The following CIB1 variants were observed in gnomAD, a reference collection of about 807,000 sequenced individuals.
CIB1 encodes the protein calcium and integrin binding 1.
CIB1 carries 19 observed loss-of-function variants against 25.0 expected under a neutral mutation model. The ratio of observed to expected loss-of-function variants is 0.76; its 90% CI spans 0.53 to 1.12. CIB1 has a LOEUF of 1.12. Ranked by LOEUF, CIB1 falls within the 50% of genes most tolerant of loss-of-function variation. The probability of loss-of-function intolerance (pLI) is 0.00; values close to 1 mark genes in which losing one functional copy is unlikely to be tolerated. For missense variants in CIB1, 236 were observed against 242.6 expected (o/e 0.97, Z 0.18); for synonymous variants, 104 against 98.5 (o/e 1.06, Z -0.33).
chr15:90,241,589 A>C, the CIB1 span: 2 of 1,613,590 alleles, frequency 1.2e-6, no homozygotes, highest in Admixed American at 3.3e-5. Flanking sequence ...TGGCCCACAG[A>C]CTGCCCGTGG....
the CIB1 span, among the ~76,000 whole-genome samples, chr15:90,261,668 T>C: frequency 1.3e-5 from 2 of 152,052 alleles, no homozygotes; most frequent in Non-Finnish European, 2.9e-5. Flanking sequence ...TAATCCCAGC[T>C]ACTTGGGAGG....
chr15:90,259,143 G>C, the CIB1 span: 2 of 1,119,538 alleles, frequency 1.8e-6, no homozygotes, highest in Non-Finnish European at 2.4e-6. Flanking sequence ...CAGGAGGATT[G>C]CTTGAGCCCT....
At chr15:90,264,098 T>C in the CIB1 span, 83 of 1,264,382 alleles carry the variant, frequency 6.6e-5, no homozygotes, top group Non-Finnish European at 8.9e-5. Flanking sequence ...TTGACATATG[T>C]AAATCCCACT....
At chr15:90,247,429 A>C in the CIB1 span, among the ~76,000 whole-genome samples, 1 of 150,608 alleles carries the variant, frequency 6.6e-6, no homozygotes, top group South Asian at 2.1e-4. Context: ...TGCCACTCCT[A>C]GCCAGGAGGA....
the CIB1 span, chr15:90,241,794 C>G: frequency 1.9e-6 from 3 of 1,614,100 alleles, no homozygotes; most frequent in Non-Finnish European, 2.5e-6. Context: ...CCGGGGAGCT[C>G]CGCCGGGAAA....
chr15:90,256,096 C>A, the CIB1 span: 85 of 1,604,258 alleles, frequency 5.3e-5, no homozygotes, highest in Admixed American at 1.1e-3. Context: ...CCCGGGAAAG[C>A]CTTGATGCAC....
chr15:90,235,057 C>T (rs1962603482), upstream of CIB1, among the ~76,000 whole-genome samples: 2 of 152,078 alleles, frequency 1.3e-5, no homozygotes, highest in Admixed American at 6.6e-5. Flanking sequence ...AAACCCAAAT[C>T]CTGGCCCTCT....
At chr15:90,240,105 C>T in the CIB1 span, among the ~76,000 whole-genome samples, 1 of 151,500 alleles carries the variant, frequency 6.6e-6, no homozygotes, top group Non-Finnish European at 1.5e-5. Context: ...TTCCTATAAT[C>T]CCAGCTACTT....
rs145112624 is a variant in CIB1 at position 90,232,367 on chromosome 15, G to A, written c.87-40C>T. On this transcript the variant is annotated intron_variant, in intron 2 of 6. Coordinates refer to ENST00000328649, the MANE Select transcript of CIB1 (RefSeq NM_006384.4). ...GGAACTGTCGGTGTTCTCAGCGATCGGTCTCCCTGTGTGTTCATTCCCACT... is the reference window on the plus strand; with the variant it reads ...GGAACTGTCGGTGTTCTCAGCGATCAGTCTCCCTGTGTGTTCATTCCCACT... 113 of 1,567,960 alleles carry A rather than the reference G, an allele frequency of 7.2e-5. No homozygotes were observed. The East Asian group carries it at 2.1e-3, about 29-fold the overall frequency.
chr15:90,257,041 G>A, the CIB1 span: 3 of 1,186,808 alleles, frequency 2.5e-6, no homozygotes, highest in African/African-American at 4.6e-5. Context: ...TGGTTATTGT[G>A]GAAATTCAAT....
At chr15:90,250,513 C>G in the CIB1 span, 1 of 1,324,364 alleles carries the variant, frequency 7.6e-7, no homozygotes, top group East Asian at 2.3e-5. Context: ...GCAACTTTCC[C>G]TTATAACAGC....
At position 90,230,479 on chromosome 15, in the gene CIB1, T is replaced by C. The variant is rs370628711; in HGVS notation, c.*5A>G. 94 of 1,551,682 alleles carry C rather than the reference T, an allele frequency of 6.1e-5. No homozygotes were observed. The African/African-American group carries it at 1.3e-3, about 21-fold the overall frequency. On this transcript the variant is annotated 3_prime_UTR_variant, in exon 7 of 7. Transcript: ENST00000328649. Reference sequence around the variant, plus strand: ...AGGGTGCCAGGACACACGCTGGGGCTGCTGTCACAGGACAATCTTAAAGGA... The same window carrying C: ...AGGGTGCCAGGACACACGCTGGGGCCGCTGTCACAGGACAATCTTAAAGGA...
chr15:90,256,564 T>TC, the CIB1 span, among the ~76,000 whole-genome samples: 1 of 47,016 alleles, frequency 2.1e-5, no homozygotes, highest in African/African-American at 1.0e-4. Flanking sequence ...TTTCTTTCTT[T>TC]CTTTCTTTCT....
rs926135951 is a variant in CIB1 at position 90,230,332 on chromosome 15, G to A, written c.*152C>T. Reference sequence around the variant, plus strand: ...AGCAGTGAGGAGAGGCCCTGACAACGAGGGCCGCCCCTGCCCGGGGTGAGG... The same window carrying A: ...AGCAGTGAGGAGAGGCCCTGACAACAAGGGCCGCCCCTGCCCGGGGTGAGG... On this transcript the variant is annotated 3_prime_UTR_variant, in exon 7 of 7. Coordinates refer to ENST00000328649, the MANE Select transcript of CIB1 (RefSeq NM_006384.4). 6 of 785,938 alleles carry A rather than the reference G, an allele frequency of 7.6e-6. No individual in the cohort carries two copies. The highest frequency in any genetic ancestry group is 3.3e-5 in the South Asian group (2 of 60,056). 48.7% of individuals were successfully genotyped at this position (785,938 alleles called of 1,614,324 possible).
At chr15:90,231,279 G>A (rs969086687) in intron 4 of CIB1, 66 bp from the exon 5 acceptor site, 153 of 1,607,298 alleles carry the variant, frequency 9.5e-5, no homozygotes, top group African/African-American at 1.2e-4. Context: ...CCCAAACGGC[G>A]CCCATTTCCC....
At chr15:90,253,348 T>C in the CIB1 span, 9 of 1,613,090 alleles carry the variant, frequency 5.6e-6, no homozygotes, top group South Asian at 8.8e-5. Flanking sequence ...GAACGAGTCA[T>C]GGACATGAAG....
At chr15:90,262,017 C>G in the CIB1 span, 1 of 1,532,930 alleles carries the variant, frequency 6.5e-7, no homozygotes, top group Non-Finnish European at 8.7e-7. Flanking sequence ...AAAGAAAAAA[C>G]TGAGTCATCC....
At chr15:90,234,139 G>T (rs1337498466), upstream of CIB1, 8 of 347,192 alleles carry the variant, frequency 2.3e-5, no homozygotes, top group Non-Finnish European at 3.6e-5. Flanking sequence ...GGCGGAGCCC[G>T]GGACTCACGG....
the CIB1 span, chr15:90,263,165 C>T: frequency 6.6e-7 from 1 of 1,508,372 alleles, no homozygotes; most frequent in African/African-American, 1.4e-5. Context: ...CCTGTGAAGT[C>T]TCCCAGAGGA....
Sources: gnomAD v4.1 joint callset for allele counts (sites outside exome capture counted in the v4.1 genomes callset) on GRCh38, gnomAD v4.1.1 for gene constraint, MANE v1.5 for transcripts, NCBI Gene and HGNC (gene_info 2026-07-23, HGNC 2026-07-21) for gene names.